CACNB2: variants seen among roughly 807,000 people sequenced by gnomAD.
The protein encoded by CACNB2 is voltage-dependent L-type calcium channel subunit beta-2.
Under a neutral mutation model 73.3 loss-of-function variants are expected in CACNB2, and 42 were observed. That is an observed-to-expected ratio of 0.57 (90% CI 0.45 to 0.74). The LOEUF (loss-of-function observed/expected upper bound fraction) is 0.74. Ranked by LOEUF, CACNB2 falls within the 30% of genes least tolerant of loss-of-function variation. CACNB2 has a pLI of 0.00. For synonymous variants in CACNB2, 348 were observed against 310.3 expected (o/e 1.12, Z -1.28); for missense variants, 940 against 853.0 (o/e 1.10, Z -1.27).
chr10:18,291,271 G>C (rs1260894176), intron 2 of CACNB2, among the ~76,000 whole-genome samples: 2 of 152,168 alleles, frequency 1.3e-5, no homozygotes, highest in African/African-American at 4.8e-5. Flanking sequence ...GCTCCCACAT[G>C]CTCCTTGCTC....
intron 3 of CACNB2, among the ~76,000 whole-genome samples, chr10:18,434,698 G>C (rs564284074): frequency 6.6e-6 from 1 of 152,018 alleles, no homozygotes; most frequent in African/African-American, 2.4e-5. Flanking sequence ...ATTGTGCCTG[G>C]CCCTAAAAAA....
chr10:18,481,220 A>T (rs1564599634), intron 3 of CACNB2, among the ~76,000 whole-genome samples: 9 of 12,566 alleles, frequency 7.2e-4, no homozygotes, highest in African/African-American at 6.5e-4. Flanking sequence ...ATATATATAT[A>T]TATATATATA....
In CACNB2 at chr10:18,390,783, T is replaced by C. The variant is rs1054266930; in HGVS notation, c.214-11141T>C. On this transcript the variant is annotated intron_variant, in intron 2 of 13. Coordinates refer to ENST00000324631, the MANE Select transcript of CACNB2 (RefSeq NM_201596.3). ...ATCAACAGTCACTCACACAATATGTTATATTTACAATATATTCGCAACCAT... is the reference window on the plus strand; with the variant it reads ...ATCAACAGTCACTCACACAATATGTCATATTTACAATATATTCGCAACCAT... Among the ~76,000 whole-genome samples, 3 of 152,246 alleles carry C rather than the reference T, an allele frequency of 2.0e-5. No homozygotes were observed. In the East Asian group the frequency reaches 5.8e-4, roughly 29 times the overall value.
rs756721525 is a variant in CACNB2 at position 18,315,499 on chromosome 10, TA to T, written c.214-86396del. On this transcript the variant is annotated intron_variant, in intron 2 of 13. Coordinates refer to ENST00000324631, the MANE Select transcript of CACNB2 (RefSeq NM_201596.3). ...AGCAAAAAGAGACCTTGTCTCTATTTAAAAAAAAAAAAAAAAAAAAAAAAAA... is the reference window on the plus strand; with the variant it reads ...AGCAAAAAGAGACCTTGTCTCTATTTAAAAAAAAAAAAAAAAAAAAAAAAA... Among the ~76,000 whole-genome samples the T allele has an allele frequency of 7.3e-3, 288 of 39,522 alleles. 3 individuals carry two copies. Among genetic ancestry groups the T allele is most frequent in the East Asian group, 0.023 (28 of 1,234 alleles). 25.9% of individuals were successfully genotyped at this position (39,522 alleles called of 152,430 possible). A position where few individuals can be genotyped will look rare whatever the true frequency, so the allele number is the denominator to read the frequency against.
chr10:18,209,721 A>T (rs2131345890), intron 2 of CACNB2, among the ~76,000 whole-genome samples: 2 of 152,208 alleles, frequency 1.3e-5, no homozygotes, highest in Middle Eastern at 3.4e-3. Context: ...CTTTTAGGGC[A>T]CCATAATATG....
chr10:18,251,118 A>G (rs2037070528), intron 2 of CACNB2, among the ~76,000 whole-genome samples: 1 of 152,252 alleles, frequency 6.6e-6, no homozygotes, highest in Admixed American at 6.5e-5. Flanking sequence ...TGTTTAATAG[A>G]CACAGAATTC....
intron 2 of CACNB2, among the ~76,000 whole-genome samples, chr10:18,241,955 T>A (rs907694899): frequency 2.0e-5 from 3 of 152,080 alleles, no homozygotes; most frequent in Non-Finnish European, 4.4e-5. Context: ...AATATTCAAA[T>A]AACAATAACT....
chr10:18,356,923 C>T (rs1261525114), intron 2 of CACNB2, among the ~76,000 whole-genome samples: 1 of 149,072 alleles, frequency 6.7e-6, no homozygotes, highest in South Asian at 2.1e-4. Flanking sequence ...AGCCACTGTG[C>T]CTGGCCCAGA....
intron 2 of CACNB2, among the ~76,000 whole-genome samples, chr10:18,190,174 A>G (rs1392622594): frequency 3.3e-5 from 5 of 152,172 alleles, no homozygotes; most frequent in African/African-American, 4.8e-5. Context: ...CGTGCTCTCA[A>G]TAAACACTAT....
chr10:18,476,701 G>A (rs916518331), intron 3 of CACNB2, among the ~76,000 whole-genome samples: 1 of 152,112 alleles, frequency 6.6e-6, no homozygotes, highest in African/African-American at 2.4e-5. Flanking sequence ...TTGCAGGAGG[G>A]TTCTAAACAG....
intron 2 of CACNB2, among the ~76,000 whole-genome samples, chr10:18,254,169 G>A (rs1265620811): frequency 6.6e-6 from 1 of 152,172 alleles, no homozygotes; most frequent in East Asian, 1.9e-4. Context: ...AGGATCCTGT[G>A]TTACATTCTT....
At chr10:18,190,409 C>T (rs1380031221) in intron 2 of CACNB2, among the ~76,000 whole-genome samples, 3 of 152,066 alleles carry the variant, frequency 2.0e-5, no homozygotes, top group Non-Finnish European at 2.9e-5. Context: ...CACCCTGCCC[C>T]GAGAGTGACC....
intron 11 of CACNB2, 103 bp downstream of exon 11, chr10:18,534,330 A>AT: frequency 9.7e-7 from 1 of 1,029,528 alleles, no homozygotes; most frequent in South Asian, 1.3e-5. Flanking sequence ...TTTATGATGT[A>AT]TAGAGAATTT....
chr10:18,183,091 C>G (rs374217160), intron 2 of CACNB2, among the ~76,000 whole-genome samples: 17 of 151,932 alleles, frequency 1.1e-4, no homozygotes, highest in African/African-American at 4.1e-4. Context: ...CATTTTGCAG[C>G]CAAGTATTAT....
chr10:18,257,955 G>A (rs376304192), intron 2 of CACNB2, among the ~76,000 whole-genome samples: 2 of 152,252 alleles, frequency 1.3e-5, no homozygotes, highest in Admixed American at 6.5e-5. Context: ...TGTTGGTCAG[G>A]CTGGTCTCAA....
In CACNB2 at chr10:18,361,848, A is replaced by G. The variant is rs182962728; in HGVS notation, c.214-40076A>G. ...GGCTGGTCTTGAACTCCTGACCTCA[A>G]GCAATCTGCCCGCCTCTACCTCCCA... On this transcript the variant is annotated intron_variant, in intron 2 of 13. Transcript: ENST00000324631. Among the ~76,000 whole-genome samples, 749 of 152,168 alleles carry G rather than the reference A, an allele frequency of 4.9e-3. 1 individual carries two copies. The highest frequency in any genetic ancestry group is 0.02 in the Middle Eastern group (6 of 294).
intron 2 of CACNB2, among the ~76,000 whole-genome samples, chr10:18,236,532 G>A (rs2036453500): frequency 6.6e-6 from 1 of 152,136 alleles, no homozygotes; most frequent in Non-Finnish European, 1.5e-5. Context: ...AAGAGCAAGG[G>A]GCCACCTTCT....
chr10:18,201,437 G>T (rs573238492), intron 2 of CACNB2, among the ~76,000 whole-genome samples: 2 of 152,212 alleles, frequency 1.3e-5, no homozygotes, highest in African/African-American at 4.8e-5. Context: ...ACCAGGTCCA[G>T]CTAATTTTTG....
chr10:18,345,844 T>G (rs2041427383), intron 2 of CACNB2, among the ~76,000 whole-genome samples: 1 of 152,224 alleles, frequency 6.6e-6, no homozygotes, highest in Non-Finnish European at 1.5e-5. Context: ...CTTTTGACTT[T>G]ATTCAGATAT....
Sources: allele counts gnomAD v4.1 joint callset (sites outside exome capture counted in the v4.1 genomes callset), GRCh38; gene constraint gnomAD v4.1.1; transcripts MANE v1.5; gene names NCBI Gene and HGNC (gene_info 2026-07-23, HGNC 2026-07-21).